Variants in TMEM33 observed in about 807,000 individuals in gnomAD.
The protein encoded by TMEM33 is transmembrane protein 33.
In TMEM33, 16 loss-of-function variants were observed where a neutral mutation model predicts 29.7. The ratio of observed to expected loss-of-function variants is 0.54; its 90% CI spans 0.36 to 0.82. The LOEUF (loss-of-function observed/expected upper bound fraction) is 0.82. TMEM33 is among the 40% of genes least tolerant of loss of function. TMEM33 has a pLI of 0.00. For synonymous variants in TMEM33, 112 were observed against 109.4 expected, an observed-to-expected ratio of 1.02 and a Z score of -0.15; for missense variants, 252 against 295.3, an observed-to-expected ratio of 0.85 and a Z score of 1.08.
chr4:41,937,790 C>T (rs553517234), intron 1 of TMEM33, among the ~76,000 whole-genome samples: 2 of 152,134 alleles, frequency 1.3e-5, no homozygotes, highest in African/African-American at 2.4e-5. Flanking sequence ...TTTTAAGATT[C>T]TGCTTTAGTG....
Position 41,956,300 on chromosome 4 carries a change from C to T in TMEM33, c.*2101C>T, listed in dbSNP as rs1713265049. 1 of 152,186 alleles carries T rather than the reference C, an allele frequency of 6.6e-6. No individual in the cohort carries two copies. Among genetic ancestry groups the T allele is most frequent in the African/African-American group, 2.4e-5 (1 of 41,422 alleles). The allele number at this position is 152,186 out of a possible 1,614,324, so 9.4% of individuals were successfully genotyped here. A position where few individuals can be genotyped will look rare whatever the true frequency, so the allele number is the denominator to read the frequency against. ...ACAGGTGTGAGCCACCGCGCCCTGC[C>T]AAGAAGAGTTCTTTTGCATACCCTT... On this transcript the variant is annotated 3_prime_UTR_variant, in exon 7 of 7. Transcript: ENST00000504986.
rs1560522140 is a variant in TMEM33, at chr4:41,958,700, C to CCTTTTTTTTTTTT, written c.*4501_*4502insCTTTTTTTTTTTT. 2 of 93,786 alleles carry CCTTTTTTTTTTTT rather than the reference C, an allele frequency of 2.1e-5. No individual in the cohort carries two copies. The highest frequency in any genetic ancestry group is 4.2e-5 in the Non-Finnish European group (2 of 47,336). 5.8% of individuals were successfully genotyped at this position (93,786 alleles called of 1,614,324 possible). On this transcript the variant is annotated 3_prime_UTR_variant, in exon 7 of 7. Transcript: ENST00000504986. ...GTAGAGACAACTAGTTTCTCTCGCTCTTTTTTTTTTTTTTTTTTTTTTTTT... is the reference window on the plus strand; with the variant it reads ...GTAGAGACAACTAGTTTCTCTCGCTCCTTTTTTTTTTTTTTTTTTTTTTTTTTTTTTTTTTTTT...
rs1339444187 is a variant in TMEM33, at chr4:41,956,271, G to C, written c.*2072G>C. 6.6e-6 allele frequency: 1 copy of C among 152,292 alleles called. No homozygotes were observed. Among genetic ancestry groups the C allele is most frequent in the Non-Finnish European group, 1.5e-5 (1 of 68,154 alleles). 9.4% of individuals were successfully genotyped at this position (152,292 alleles called of 1,614,324 possible). Reference sequence around the variant, plus strand: ...CTGCCTCGGCCTCCCAAAGTGCCGGGATTACAGGTGTGAGCCACCGCGCCC... The same window carrying C: ...CTGCCTCGGCCTCCCAAAGTGCCGGCATTACAGGTGTGAGCCACCGCGCCC... On this transcript the variant is annotated 3_prime_UTR_variant, in exon 7 of 7. Transcript: ENST00000504986.
intron 3 of TMEM33, among the ~76,000 whole-genome samples, chr4:41,941,931 T>A (rs937546370): frequency 1.3e-5 from 2 of 152,232 alleles, no homozygotes; most frequent in African/African-American, 4.8e-5. Context: ...ATGAATCTCT[T>A]ACCAAGGATT....
At position 41,936,623 on chromosome 4, in the gene TMEM33, C is replaced by T. The variant is rs532282438; in HGVS notation, c.45+1094C>T. On this transcript the variant is annotated intron_variant, in intron 1 of 6. Coordinates refer to ENST00000504986, the MANE Select transcript of TMEM33 (RefSeq NM_018126.3). ...TATAGTCCCAGCATAGTCCCAGCTACTCAGGAGGCTGAGGTGGGTTGTGCT... is the reference window on the plus strand; with the variant it reads ...TATAGTCCCAGCATAGTCCCAGCTATTCAGGAGGCTGAGGTGGGTTGTGCT... 2.3e-4 allele frequency among the ~76,000 whole-genome samples: 35 copies of T among 152,244 alleles called. No homozygotes were observed. The South Asian group carries it at 7.1e-3, about 31-fold the overall frequency.
rs556784860 is a variant in TMEM33, at chr4:41,942,944, G to A, written c.329-803G>A. On this transcript the variant is annotated intron_variant, in intron 3 of 6. Transcript: ENST00000504986. Reference sequence around the variant, plus strand: ...AAAATAATGGAGTCCTTGTAGGAAAGAAGTAATAAAAGATCTTTAGTCTTT... The same window carrying A: ...AAAATAATGGAGTCCTTGTAGGAAAAAAGTAATAAAAGATCTTTAGTCTTT... Among the ~76,000 whole-genome samples, 6 of 152,290 alleles carry A rather than the reference G, an allele frequency of 3.9e-5. No homozygotes were observed. In the South Asian group the frequency reaches 1.2e-3, roughly 32 times the overall value.
At chr4:41,952,154 T>A (rs1166846111) in intron 6 of TMEM33, among the ~76,000 whole-genome samples, 2 of 151,684 alleles carry the variant, frequency 1.3e-5, no homozygotes, top group East Asian at 3.9e-4. Context: ...GAGAAAAGAG[T>A]AAATTAAAGA....
intron 5 of TMEM33, among the ~76,000 whole-genome samples, chr4:41,946,081 T>G (rs1455702525): frequency 6.6e-6 from 1 of 151,062 alleles, no homozygotes; most frequent in East Asian, 1.9e-4. Context: ...AGTTCTGTTT[T>G]TTTTTTTTTT....
chr4:41,942,699 T>C (rs924880552), intron 3 of TMEM33, among the ~76,000 whole-genome samples: 7 of 152,076 alleles, frequency 4.6e-5, no homozygotes, highest in Admixed American at 4.6e-4. Context: ...GAGAATGGGG[T>C]CTTTTGAACA....
rs1007692881 is a variant in TMEM33, at chr4:41,939,600, T to C, written c.328+217T>C. ...AGGAATTTTAAACTATCTTTGTTCT[T>C]GCCTCTTGTAAGCTTCCCTATTAGA... is the stretch of plus-strand genomic sequence containing the variant. On this transcript the variant is annotated intron_variant, in intron 3 of 6. Coordinates refer to ENST00000504986, the MANE Select transcript of TMEM33 (RefSeq NM_018126.3). The C allele has an allele frequency of 6.6e-6, 4 of 605,596 alleles. No homozygotes were observed. In the African/African-American group the frequency reaches 7.4e-5, roughly 11 times the overall value. The allele number at this position is 605,596 out of a possible 1,614,324, so 37.5% of individuals were successfully genotyped here.
chr4:41,943,951 A>G (rs1712666442), intron 4 of TMEM33, 137 bp downstream of exon 4: 1 of 730,504 alleles, frequency 1.4e-6, no homozygotes, highest in Non-Finnish European at 2.2e-6. Flanking sequence ...TAGTGATTTG[A>G]AAGTTTTAAG....
chr4:41,939,311 C>G lies in TMEM33; in HGVS notation c.256C>G (p.Gln86Glu), dbSNP rs1277070575. The G allele has an allele frequency of 1.2e-6, 2 of 1,613,932 alleles. No homozygotes were observed. The highest frequency in any genetic ancestry group is 4.5e-5 in the East Asian group (2 of 44,866). The change falls in exon 3 of 7, where the codon CAG becomes GAG. Residue 86 changes from glutamine (Q) to glutamate (E), a missense_variant. Physicochemically the swap from Gln to Glu is conservative, Grantham distance 29. Transcript: ENST00000504986. ...CCAGTTAAGCAGAGCATTCCTGGCC[C>G]AGGCTTTGTTAGAGGACAGCTGCCA... Reference protein sequence around the residue: ...HFQLSRAFLAQALLEDSCHYL... With the variant: ...HFQLSRAFLAEALLEDSCHYL...
chr4:41,943,997 G>A (rs916395007), intron 4 of TMEM33, 183 bp downstream of exon 4: 1 of 559,914 alleles, frequency 1.8e-6, no homozygotes, highest in Admixed American at 3.6e-5. Context: ...TCACAAACTA[G>A]AACATTTTAT....
Position 41,957,882 on chromosome 4 carries a change from C to T in TMEM33, c.*3683C>T, listed in dbSNP as rs1238779490. The T allele has an allele frequency of 6.6e-6, 1 of 152,070 alleles. No individual in the cohort carries two copies. Among genetic ancestry groups the T allele is most frequent in the Non-Finnish European group, 1.5e-5 (1 of 68,022 alleles). 9.4% of individuals were successfully genotyped at this position (152,070 alleles called of 1,614,324 possible). On this transcript the variant is annotated 3_prime_UTR_variant, in exon 7 of 7. Coordinates refer to ENST00000504986, the MANE Select transcript of TMEM33 (RefSeq NM_018126.3). The stretch of plus-strand genomic sequence containing the variant: ...TTCCTCAGGTAGCCCCCCATTTTCA[C>T]ATGATGTGTTTGAAGGTTAAATGCC...
chr4:41,938,214 T>C (rs142118008), intron 1 of TMEM33, among the ~76,000 whole-genome samples: 43 of 152,350 alleles, frequency 2.8e-4, no homozygotes, highest in African/African-American at 9.4e-4. Context: ...TGAGAGCAAT[T>C]AGTTTTTGTT....
Position 41,959,028 on chromosome 4 carries a change from G to GT in TMEM33, c.*4832dup, listed in dbSNP as rs568392926. The GT allele has an allele frequency of 5.3e-5, 8 of 152,166 alleles. No individual in the cohort carries two copies. In the South Asian group the frequency reaches 1.7e-3, roughly 32 times the overall value. 9.4% of individuals were successfully genotyped at this position (152,166 alleles called of 1,614,324 possible). A position where few individuals can be genotyped will look rare whatever the true frequency, so the allele number is the denominator to read the frequency against. On this transcript the variant is annotated 3_prime_UTR_variant, in exon 7 of 7. Coordinates refer to ENST00000504986, the MANE Select transcript of TMEM33 (RefSeq NM_018126.3). ...CCACTAAGCCTGGCTGAGACAACTA[G>GT]TTTCCCTTAACTCATTGGAATTCTC...
At chr4:41,937,723 G>T (rs769074006) in intron 1 of TMEM33, among the ~76,000 whole-genome samples, 1 of 151,926 alleles carries the variant, frequency 6.6e-6, no homozygotes, top group South Asian at 2.1e-4. Flanking sequence ...GAAGATCCTA[G>T]ACAAAAAATG....
At chr4:41,945,732 A>G (rs969016055) in intron 5 of TMEM33, among the ~76,000 whole-genome samples, 1 of 152,144 alleles carries the variant, frequency 6.6e-6, no homozygotes, top group African/African-American at 2.4e-5. Context: ...GCATTTTGGG[A>G]GGCCAAAGTG....
chr4:41,952,537 A>G (rs929764746), intron 6 of TMEM33, among the ~76,000 whole-genome samples: 19 of 152,208 alleles, frequency 1.2e-4, no homozygotes. Flanking sequence ...TATCTACAGT[A>G]TGTAATAATA....
Sources: gnomAD v4.1 joint callset for allele counts (sites outside exome capture counted in the v4.1 genomes callset) on GRCh38, gnomAD v4.1.1 for gene constraint, MANE v1.5 for transcripts, NCBI Gene and HGNC (gene_info 2026-07-23, HGNC 2026-07-21) for gene names.